The following FAR2 variants were observed in gnomAD, a reference collection of about 807,000 sequenced individuals.
FAR2 encodes the protein fatty acyl-CoA reductase 2.
In FAR2, 19 loss-of-function variants were observed where a neutral mutation model predicts 56.0. That is an observed-to-expected ratio of 0.34 (90% CI 0.24 to 0.50). The LOEUF (loss-of-function observed/expected upper bound fraction) is 0.50. Among genes scored for constraint, FAR2 ranks in the 20% least tolerant of loss-of-function variants. FAR2 has a pLI of 0.98. For missense variants in FAR2, 508 were observed against 642.2 expected (o/e 0.79, Z 2.26); for synonymous variants, 219 against 218.8 (o/e 1.00, Z -0.01).
intron 1 of FAR2, among the ~76,000 whole-genome samples, chr12:29,269,373 T>A (rs1465090801): frequency 1.3e-5 from 2 of 152,236 alleles, no homozygotes; most frequent in Admixed American, 6.5e-5. Context: ...TAAGGTTATT[T>A]CTCTTATTCC....
At chr12:29,261,185 A>T (rs1275592459) in intron 1 of FAR2, among the ~76,000 whole-genome samples, 1 of 152,240 alleles carries the variant, frequency 6.6e-6, no homozygotes, top group Non-Finnish European at 1.5e-5. Flanking sequence ...ATCCAAGGTA[A>T]CACAGAGAAG....
intron 1 of FAR2, among the ~76,000 whole-genome samples, chr12:29,167,422 C>T (rs1161314638): frequency 1.3e-5 from 2 of 152,166 alleles, no homozygotes; most frequent in Admixed American, 1.3e-4. Flanking sequence ...TCAAGTCTGA[C>T]CTACGTTTTT....
At chr12:29,276,053 C>A (rs1405330158) in intron 2 of FAR2, among the ~76,000 whole-genome samples, 2 of 152,128 alleles carry the variant, frequency 1.3e-5, no homozygotes, top group Non-Finnish European at 1.5e-5. Context: ...GCAGACAGAC[C>A]TGGGTGTGAA....
chr12:29,270,690 A>G, intron 2 of FAR2, 52 bp downstream of exon 2: 3 of 1,470,184 alleles, frequency 2.0e-6, no homozygotes, highest in Non-Finnish European at 2.8e-6. Flanking sequence ...GGGCAAGATG[A>G]TTCACTACAA....
chr12:29,163,494 T>C (rs1949799451), intron 1 of FAR2, among the ~76,000 whole-genome samples: 1 of 152,230 alleles, frequency 6.6e-6, no homozygotes, highest in African/African-American at 2.4e-5. Context: ...GTTCAGACTA[T>C]TGTCCTGATT....
chr12:29,268,037 T>TC (rs1469351190), intron 1 of FAR2, among the ~76,000 whole-genome samples: 1 of 152,120 alleles, frequency 6.6e-6, no homozygotes, highest in African/African-American at 2.4e-5. Context: ...AGTAAATAAT[T>TC]CCCCAAAGGC....
At chr12:29,310,608 C>T (rs1565518395) in intron 6 of FAR2, among the ~76,000 whole-genome samples, 1 of 151,834 alleles carries the variant, frequency 6.6e-6, no homozygotes, top group Non-Finnish European at 1.5e-5. Context: ...GTTAATAAAC[C>T]CTAGCAGAAA....
chr12:29,328,413 C>G (rs1426842616), intron 10 of FAR2, among the ~76,000 whole-genome samples: 1 of 152,010 alleles, frequency 6.6e-6, no homozygotes, highest in African/African-American at 2.4e-5. Flanking sequence ...GGGTATATAC[C>G]CAAAGGATTA....
chr12:29,216,018 G>A (rs1475992475), intron 1 of FAR2, among the ~76,000 whole-genome samples: 1 of 152,092 alleles, frequency 6.6e-6, no homozygotes, highest in Non-Finnish European at 1.5e-5. Context: ...CCCAAATTGT[G>A]CCACAGGCTG....
At chr12:29,232,072 G>A (rs183141207) in intron 1 of FAR2, among the ~76,000 whole-genome samples, 1 of 152,306 alleles carries the variant, frequency 6.6e-6, no homozygotes, top group Admixed American at 6.5e-5. Flanking sequence ...AATTTGGATT[G>A]TGTAATTGAT....
chr12:29,286,682 C>G (rs1336588883), intron 2 of FAR2, among the ~76,000 whole-genome samples: 3 of 152,158 alleles, frequency 2.0e-5, no homozygotes, highest in Admixed American at 6.5e-5. Context: ...ACTGTGTTGC[C>G]TTTAGCATTT....
chr12:29,270,439 AG>A lies in FAR2; in HGVS notation c.-8del. 1 of 1,528,418 alleles carries A rather than the reference AG, an allele frequency of 6.5e-7. No individual in the cohort carries two copies. The highest frequency in any genetic ancestry group is 8.9e-7 in the Non-Finnish European group (1 of 1,126,460). The allele number at this position is 1,528,418 out of a possible 1,614,324, so 94.7% of individuals were successfully genotyped here. A position where few individuals can be genotyped will look rare whatever the true frequency, so the allele number is the denominator to read the frequency against. Reference sequence around the variant, plus strand: ...ACCTCTTTCAGGAGCTATAAAAGAAAGGGAGGAATCATGTCCACAATTGCAG... The same window carrying A: ...ACCTCTTTCAGGAGCTATAAAAGAAAGGAGGAATCATGTCCACAATTGCAG... On this transcript the variant is annotated 5_prime_UTR_variant, in exon 2 of 12. Coordinates refer to ENST00000536681, the MANE Select transcript of FAR2 (RefSeq NM_001271783.2).
At chr12:29,175,949 T>A (rs1040466751) in intron 1 of FAR2, among the ~76,000 whole-genome samples, 2 of 152,114 alleles carry the variant, frequency 1.3e-5, no homozygotes, top group Non-Finnish European at 2.9e-5. Flanking sequence ...AATGCTAGAG[T>A]AAAAATTGAA....
intron 2 of FAR2, among the ~76,000 whole-genome samples, chr12:29,271,569 G>A (rs2136708643): frequency 6.6e-6 from 1 of 152,306 alleles, no homozygotes; most frequent in African/African-American, 2.4e-5. Flanking sequence ...TAACATCTAT[G>A]ATGCACATGT....
chr12:29,192,616 A>G (rs1261151424), intron 1 of FAR2, among the ~76,000 whole-genome samples: 1 of 152,206 alleles, frequency 6.6e-6, no homozygotes, highest in African/African-American at 2.4e-5. Flanking sequence ...GTATCTGTAT[A>G]TTTGCAGATT....
In FAR2 at chr12:29,237,645, A is replaced by G. The variant is rs80024329; in HGVS notation, c.-38-32767A>G. On this transcript the variant is annotated intron_variant, in intron 1 of 11. Coordinates refer to ENST00000536681, the MANE Select transcript of FAR2 (RefSeq NM_001271783.2). ...ATCTTTTCATGGAATATCATTTTTT[A>G]TCTGACAGAATGACTGGTAAACAAA... Among the ~76,000 whole-genome samples the G allele has an allele frequency of 5.0e-3, 763 of 152,300 alleles. 26 individuals carry two copies. In the East Asian group the frequency reaches 0.072, roughly 14 times the overall value.
intron 1 of FAR2, among the ~76,000 whole-genome samples, chr12:29,235,721 C>T (rs1456591616): frequency 6.6e-6 from 1 of 152,066 alleles, no homozygotes; most frequent in African/African-American, 2.4e-5. Context: ...AGTGCACAGA[C>T]ATTGTGCTTT....
intron 1 of FAR2, among the ~76,000 whole-genome samples, chr12:29,203,724 G>C (rs534531976): frequency 1.3e-4 from 20 of 152,148 alleles, no homozygotes; most frequent in Non-Finnish European, 1.9e-4. Flanking sequence ...TGTCGGCCGG[G>C]GGCGGTGGCT....
intron 1 of FAR2, among the ~76,000 whole-genome samples, chr12:29,253,123 GC>G (rs1042205912): frequency 5.9e-5 from 9 of 152,052 alleles, no homozygotes; most frequent in Admixed American, 5.9e-4. Context: ...AACTTGCCAA[GC>G]CTCCACAACT....
Sources: gnomAD v4.1 joint callset for allele counts (sites outside exome capture counted in the v4.1 genomes callset) on GRCh38, gnomAD v4.1.1 for gene constraint, MANE v1.5 for transcripts, NCBI Gene and HGNC (gene_info 2026-07-23, HGNC 2026-07-21) for gene names.